REEP1: variants seen among roughly 807,000 people sequenced by gnomAD.
The protein encoded by REEP1 is receptor accessory protein 1, also known as receptor expression-enhancing protein 1.
REEP1 carries 22 observed loss-of-function variants against 40.3 expected under a neutral mutation model. The observed-to-expected ratio is 0.55, with a 90% CI of 0.39 to 0.78. The LOEUF (loss-of-function observed/expected upper bound fraction) is 0.78. REEP1 is among the 30% of genes least tolerant of loss of function. REEP1 has a pLI of 0.00. For missense variants in REEP1, 280 were observed against 361.1 expected, an observed-to-expected ratio of 0.78 and a Z score of 1.82; for synonymous variants, 116 against 139.2, an observed-to-expected ratio of 0.83 and a Z score of 1.17.
intron 1 of REEP1, among the ~76,000 whole-genome samples, chr2:86,305,718 T>C (rs1679451272): frequency 6.6e-6 from 1 of 152,172 alleles, no homozygotes; most frequent in Admixed American, 6.5e-5. Context: ...CTTCCCTCCC[T>C]TGGCACCTGC....
chr2:86,272,877 C>T (rs1055360651), intron 2 of REEP1, among the ~76,000 whole-genome samples: 1 of 152,242 alleles, frequency 6.6e-6, no homozygotes, highest in South Asian at 2.1e-4. Context: ...AATCCCCGCA[C>T]TTTGGGAGGC....
chr2:86,296,499 TACC>T (rs1468158207), intron 1 of REEP1, among the ~76,000 whole-genome samples: 1 of 152,246 alleles, frequency 6.6e-6, no homozygotes, highest in Admixed American at 6.5e-5. Flanking sequence ...GTATTTGTAT[TACC>T]ACAAGTCCTT....
intron 4 of REEP1, 96 bp from the exon 5 acceptor site, chr2:86,252,166 C>T: frequency 1.1e-6 from 1 of 876,552 alleles, no homozygotes. Context: ...GGCAGCTTGC[C>T]CAATCCTTGT....
At chr2:86,244,067 A>G (rs1675805687) in intron 5 of REEP1, among the ~76,000 whole-genome samples, 1 of 152,234 alleles carries the variant, frequency 6.6e-6, no homozygotes, top group Admixed American at 6.5e-5. Flanking sequence ...TTTTATAAAA[A>G]GAAAATCAAT....
intron 1 of REEP1, among the ~76,000 whole-genome samples, chr2:86,298,429 T>A (rs1381561539): frequency 6.6e-6 from 1 of 152,236 alleles, no homozygotes; most frequent in Non-Finnish European, 1.5e-5. Context: ...TCAGAAAACA[T>A]TCACCTAGTG....
rs374517002 is a variant in REEP1, at chr2:86,285,325, T to C, written c.33-3083A>G. Reference sequence around the variant, plus strand: ...CATCTCAGAAATGCCACTTCTTCTGTGAAGCCTTTGGTTACTGCCCCCTCA... The same window carrying C: ...CATCTCAGAAATGCCACTTCTTCTGCGAAGCCTTTGGTTACTGCCCCCTCA... On this transcript the variant is annotated intron_variant, in intron 1 of 8. Transcript: ENST00000538924. Among the ~76,000 whole-genome samples, 4 of 152,256 alleles carry C rather than the reference T, an allele frequency of 2.6e-5. No homozygotes were observed. In the East Asian group the frequency reaches 5.8e-4, roughly 22 times the overall value.
chr2:86,315,800 C>G (rs1009624089), intron 1 of REEP1, among the ~76,000 whole-genome samples: 2 of 152,184 alleles, frequency 1.3e-5, no homozygotes, highest in Non-Finnish European at 2.9e-5. Flanking sequence ...ATTCCCAGAT[C>G]CAGGGTGGGT....
chr2:86,273,034 G>A (rs1453072544), intron 2 of REEP1, among the ~76,000 whole-genome samples: 1 of 151,842 alleles, frequency 6.6e-6, no homozygotes, highest in Non-Finnish European at 1.5e-5. Flanking sequence ...TAAGGCAGAA[G>A]GATCACCTGA....
chr2:86,311,952 T>C (rs58728311), intron 1 of REEP1, among the ~76,000 whole-genome samples: 4,588 of 152,232 alleles, frequency 0.03, 120 homozygotes, highest in East Asian at 0.07. Flanking sequence ...AGATGACTTC[T>C]AAAATTCCTT....
chr2:86,269,721 G>A lies in REEP1; in HGVS notation c.106-5680C>T, dbSNP rs149456496. ...AGGACATGATGGTAATAGGTGGTCA[G>A]GAAAAAATAATAATAAAATTAAAAA... On this transcript the variant is annotated intron_variant, in intron 2 of 8. Transcript: ENST00000538924. Among the ~76,000 whole-genome samples, 583 of 152,076 alleles carry A rather than the reference G, an allele frequency of 3.8e-3. 1 individual carries two copies. The highest frequency in any genetic ancestry group is 0.013 in the African/African-American group (519 of 41,480).
intron 2 of REEP1, among the ~76,000 whole-genome samples, chr2:86,265,642 A>G (rs984887812): frequency 2.0e-5 from 3 of 152,218 alleles, no homozygotes. Flanking sequence ...GCAGCAATAT[A>G]GATGGAACTG....
At chr2:86,286,539 T>C (rs1678410995) in intron 1 of REEP1, among the ~76,000 whole-genome samples, 2 of 152,186 alleles carry the variant, frequency 1.3e-5, no homozygotes, top group Non-Finnish European at 2.9e-5. Flanking sequence ...CCAAGGTTCA[T>C]TTTTTTGAAC....
At chr2:86,232,498 TG>T in intron 6 of REEP1, 126 bp downstream of exon 6, 1 of 1,157,632 alleles carries the variant, frequency 8.6e-7, no homozygotes, top group Non-Finnish European at 1.3e-6. Context: ...CATGATCTGA[TG>T]GACACCCCGT....
chr2:86,230,119 T>TC (rs35440947), intron 6 of REEP1, among the ~76,000 whole-genome samples: 1 of 152,106 alleles, frequency 6.6e-6, no homozygotes, highest in Non-Finnish European at 1.5e-5. Context: ...GCCAGAACAC[T>TC]CCCCACTGCC....
At chr2:86,305,326 C>T (rs1298958039) in intron 1 of REEP1, among the ~76,000 whole-genome samples, 7 of 152,160 alleles carry the variant, frequency 4.6e-5, no homozygotes. Flanking sequence ...CAAGTTTGGC[C>T]CCAGCCCTCT....
chr2:86,218,544 A>G (rs1674249460), intron 8 of REEP1, among the ~76,000 whole-genome samples: 1 of 152,226 alleles, frequency 6.6e-6, no homozygotes, highest in Admixed American at 6.5e-5. Context: ...CTTTATAGTA[A>G]TCTGCCTCTT....
chr2:86,248,348 A>G (rs1676082623), intron 5 of REEP1, among the ~76,000 whole-genome samples: 1 of 152,254 alleles, frequency 6.6e-6, no homozygotes, highest in African/African-American at 2.4e-5. Flanking sequence ...GGCAGGTCCA[A>G]GAAATTTAAA....
At chr2:86,326,284 A>G (rs111410338) in intron 1 of REEP1, among the ~76,000 whole-genome samples, 2 of 152,260 alleles carry the variant, frequency 1.3e-5, no homozygotes, top group Non-Finnish European at 1.5e-5. Context: ...CAGTACATCA[A>G]TGAATAAATT....
chr2:86,331,653 G>C (rs1411874981), intron 1 of REEP1, among the ~76,000 whole-genome samples: 1 of 152,188 alleles, frequency 6.6e-6, no homozygotes, highest in African/African-American at 2.4e-5. Flanking sequence ...CTTTGTCCTA[G>C]AACTGCCAGG....
Sources: allele counts gnomAD v4.1 joint callset (sites outside exome capture counted in the v4.1 genomes callset), GRCh38; gene constraint gnomAD v4.1.1; transcripts MANE v1.5; gene names NCBI Gene and HGNC (gene_info 2026-07-23, HGNC 2026-07-21).